CNGB3: variants seen among roughly 807,000 people sequenced by gnomAD.
CNGB3 encodes the protein cyclic nucleotide-gated channel beta-3.
In CNGB3, 86 loss-of-function variants were observed where a neutral mutation model predicts 92.8. The observed-to-expected ratio is 0.93, with a 90% CI of 0.78 to 1.11. CNGB3 has a LOEUF of 1.11. Ranked by LOEUF, CNGB3 falls within the 50% of genes least tolerant of loss-of-function variation. CNGB3 has a pLI of 0.00. For synonymous variants in CNGB3, 333 were observed against 332.7 expected (o/e 1.00, Z -0.01); for missense variants, 1,026 against 956.8 (o/e 1.07, Z -0.95).
chr8:86,741,736 T>G (rs1482629694), intron 1 of CNGB3, among the ~76,000 whole-genome samples: 1 of 152,122 alleles, frequency 6.6e-6, no homozygotes, highest in Non-Finnish European at 1.5e-5. Context: ...AAATTATGGC[T>G]GTTGGAATGG....
At chr8:86,681,206 G>GA (rs1824077700) in intron 3 of CNGB3, among the ~76,000 whole-genome samples, 1 of 152,136 alleles carries the variant, frequency 6.6e-6, no homozygotes, top group South Asian at 2.1e-4. Flanking sequence ...ATAAAGGTAG[G>GA]AAAGTATATC....
At chr8:86,623,780 G>C (rs942068231) in intron 13 of CNGB3, among the ~76,000 whole-genome samples, 1 of 152,132 alleles carries the variant, frequency 6.6e-6, no homozygotes, top group African/African-American at 2.4e-5. Flanking sequence ...TGATATCTTT[G>C]TTCTTCTTGT....
At chr8:86,633,755 A>G (rs528189124) in intron 10 of CNGB3, among the ~76,000 whole-genome samples, 3 of 152,366 alleles carry the variant, frequency 2.0e-5, no homozygotes, top group East Asian at 1.9e-4. Flanking sequence ...TAGAGATCAA[A>G]TGTATTTATG....
intron 15 of CNGB3, among the ~76,000 whole-genome samples, chr8:86,601,046 G>A (rs1037707654): frequency 3.3e-5 from 5 of 152,200 alleles, no homozygotes; most frequent in Admixed American, 1.3e-4. Flanking sequence ...TGGAAGCATA[G>A]AATAAAGAGT....
At chr8:86,686,219 C>A (rs1824184978) in intron 3 of CNGB3, among the ~76,000 whole-genome samples, 2 of 152,062 alleles carry the variant, frequency 1.3e-5, no homozygotes, top group African/African-American at 4.8e-5. Flanking sequence ...TACTGTATTA[C>A]ACTGAATATT....
intron 10 of CNGB3, among the ~76,000 whole-genome samples, chr8:86,635,407 A>G (rs888037509): frequency 2.6e-5 from 4 of 152,160 alleles, no homozygotes; most frequent in Non-Finnish European, 5.9e-5. Flanking sequence ...AGGAACAAAC[A>G]TAAGAATTAC....
At chr8:86,717,237 A>G (rs1316913054) in intron 3 of CNGB3, among the ~76,000 whole-genome samples, 1 of 152,132 alleles carries the variant, frequency 6.6e-6, no homozygotes, top group Non-Finnish European at 1.5e-5. Context: ...ACTAGACCTA[A>G]GAAATGAGAT....
At position 86,671,859 on chromosome 8, in the gene CNGB3, G is replaced by A. The variant is rs376421051; in HGVS notation, c.339-761C>T. Among the ~76,000 whole-genome samples, 73 of 152,270 alleles carry A rather than the reference G, an allele frequency of 4.8e-4. 4 individuals are homozygous for A. The South Asian group carries it at 5.0e-3, about 10-fold the overall frequency. ...CCCAGTGAGAGCCTAGTCTGGCCTG[G>A]CCAACACCTTGATTTCAGCCTTGTG... is the stretch of plus-strand genomic sequence containing the variant. On this transcript the variant is annotated intron_variant, in intron 3 of 17. Transcript: ENST00000320005.
At position 86,591,785 on chromosome 8, in the gene CNGB3, G is replaced by C. The variant is rs530000988; in HGVS notation, c.1781+12308C>G. On this transcript the variant is annotated intron_variant, in intron 15 of 17. Transcript: ENST00000320005. ...ATTTAAGTCTGCAGAGGTTACTGCT[G>C]TCTTTTTGTTTGTCTGTGCCCTGCC... is the stretch of plus-strand genomic sequence containing the variant. Among the ~76,000 whole-genome samples, 945 of 152,250 alleles carry C rather than the reference G, an allele frequency of 6.2e-3. 8 individuals carry two copies. The highest frequency in any genetic ancestry group is 0.021 in the African/African-American group (891 of 41,546).
chr8:86,580,402 C>T (rs753112783), intron 15 of CNGB3, among the ~76,000 whole-genome samples: 2 of 152,150 alleles, frequency 1.3e-5, no homozygotes, highest in African/African-American at 2.4e-5. Flanking sequence ...GTGTCTGTTT[C>T]CCACCTGGGC....
At chr8:86,702,635 T>A (rs1824576231) in intron 3 of CNGB3, among the ~76,000 whole-genome samples, 1 of 152,190 alleles carries the variant, frequency 6.6e-6, no homozygotes, top group South Asian at 2.1e-4. Flanking sequence ...TGGGTAGTAT[T>A]TTAAAAACAT....
chr8:86,679,271 A>G (rs1218218132), intron 3 of CNGB3, among the ~76,000 whole-genome samples: 1 of 151,982 alleles, frequency 6.6e-6, no homozygotes, highest in Non-Finnish European at 1.5e-5. Flanking sequence ...TAGTTTATTT[A>G]TTTGTTAGTT....
At chr8:86,721,820 G>A (rs1299923160) in intron 3 of CNGB3, among the ~76,000 whole-genome samples, 2 of 152,076 alleles carry the variant, frequency 1.3e-5, no homozygotes, top group Admixed American at 1.3e-4. Context: ...CAACTATGAA[G>A]TCACATATGG....
intron 6 of CNGB3, chr8:86,659,887 C>A (rs1422584902): frequency 7.1e-6 from 3 of 422,014 alleles, no homozygotes; most frequent in Non-Finnish European, 1.4e-5. Context: ...GGGCCCTCCC[C>A]ATTGACAAAG....
chr8:86,666,744 C>T (rs1345263699), intron 6 of CNGB3, among the ~76,000 whole-genome samples, 181 bp downstream of exon 6: 1 of 152,132 alleles, frequency 6.6e-6, no homozygotes, highest in South Asian at 2.1e-4. Flanking sequence ...TGTTCTCCAG[C>T]ACATTGTGAA....
intron 3 of CNGB3, among the ~76,000 whole-genome samples, chr8:86,680,647 A>C (rs1025495692): frequency 1.4e-4 from 21 of 152,200 alleles, no homozygotes; most frequent in Admixed American, 3.9e-4. Context: ...GCAGGATGGC[A>C]ACAATCAAAA....
At chr8:86,721,619 G>T (rs912552583) in intron 3 of CNGB3, among the ~76,000 whole-genome samples, 1 of 152,050 alleles carries the variant, frequency 6.6e-6, no homozygotes, top group Admixed American at 6.6e-5. Context: ...AATTATAAAA[G>T]TATTGCTTAC....
At chr8:86,656,177 C>T (rs1427481980) in intron 6 of CNGB3, among the ~76,000 whole-genome samples, 1 of 152,160 alleles carries the variant, frequency 6.6e-6, no homozygotes, top group African/African-American at 2.4e-5. Flanking sequence ...ATAGATACGG[C>T]TTCAAATAAA....
chr8:86,639,145 C>A (rs571019635), intron 10 of CNGB3, among the ~76,000 whole-genome samples: 1 of 125,628 alleles, frequency 8.0e-6, no homozygotes, highest in African/African-American at 3.1e-5. Flanking sequence ...TCCCATGATG[C>A]CTTGTTTACT....
Sources: gnomAD v4.1 joint callset for allele counts (sites outside exome capture counted in the v4.1 genomes callset) on GRCh38, gnomAD v4.1.1 for gene constraint, MANE v1.5 for transcripts, NCBI Gene and HGNC (gene_info 2026-07-23, HGNC 2026-07-21) for gene names.